TENM4: variants seen among roughly 807,000 people sequenced by gnomAD.
TENM4 encodes the protein teneurin transmembrane protein 4.
TENM4 carries 82 observed loss-of-function variants against 243.3 expected under a neutral mutation model. The observed-to-expected ratio is 0.34, with a 90% CI of 0.28 to 0.40. The LOEUF (loss-of-function observed/expected upper bound fraction) is 0.40, where lower values mean the gene tolerates loss of function less well. Among genes scored for constraint, TENM4 ranks in the 10% least tolerant of loss-of-function variants. The probability of loss-of-function intolerance (pLI) is 1.00; values close to 1 mark genes in which losing one functional copy is unlikely to be tolerated. For missense variants in TENM4, 3,138 were observed against 3,673.3 expected (o/e 0.85, Z 3.77); for synonymous variants, 1,412 against 1,456.3 (o/e 0.97, Z 0.69).
intron 30 of TENM4, among the ~76,000 whole-genome samples, chr11:78,674,744 A>G (rs1293798160): frequency 2.0e-5 from 3 of 152,236 alleles, no homozygotes. Flanking sequence ...GCTGTTTCCC[A>G]CAGTAGATAG....
chr11:79,118,106 A>AT (rs1396677196), intron 4 of TENM4, among the ~76,000 whole-genome samples: 1 of 152,186 alleles, frequency 6.6e-6, no homozygotes, highest in Non-Finnish European at 1.5e-5. Context: ...TGCTGAATCC[A>AT]TTTTTAAAAA....
At chr11:78,787,979 T>G (rs1398331018) in intron 15 of TENM4, among the ~76,000 whole-genome samples, 1 of 152,238 alleles carries the variant, frequency 6.6e-6, no homozygotes, top group Non-Finnish European at 1.5e-5. Context: ...TGAGCAACCA[T>G]GTCCACTGAA....
chr11:79,188,321 C>T (rs2135155531), intron 3 of TENM4, among the ~76,000 whole-genome samples: 1 of 152,280 alleles, frequency 6.6e-6, no homozygotes, highest in South Asian at 2.1e-4. Context: ...TATAAAACTT[C>T]TCCCTGGCAA....
intron 15 of TENM4, among the ~76,000 whole-genome samples, chr11:78,803,042 T>C (rs1857313388): frequency 6.6e-6 from 1 of 151,950 alleles, no homozygotes; most frequent in African/African-American, 2.4e-5. Context: ...TTTCTTTTTT[T>C]TTTTTTGAGA....
chr11:78,669,194 G>A lies in TENM4; in HGVS notation c.7151C>T (p.Ala2384Val), dbSNP rs1280260156. 1.2e-6 allele frequency: 2 copies of A among 1,613,882 alleles called. No homozygotes were observed. Among genetic ancestry groups the A allele is most frequent in the Non-Finnish European group, 8.5e-7 (1 of 1,179,876 alleles). The change falls in exon 32 of 34, where the codon GCC becomes GTC. Residue 2384 changes from alanine (A) to valine (V), a missense_variant. This residue lies in a region of TENM4 where 2,467 missense variants were observed against 3,059.1 expected (regional missense o/e 0.81). Transcript: ENST00000278550. The surrounding 1 kb of genome is among the most constrained non-coding windows in gnomAD (Gnocchi z 6.4). ...GGTATCCATGTAGATCTCCCCATAG[G>A]CTGTGTACAGGATTTGCTTGATCAT... ...GLMIKQILYT[A>V]YGEIYMDTNP... is the part of the protein sequence containing the mutation.
chr11:79,372,094 G>A (rs867928144), intron 1 of TENM4, among the ~76,000 whole-genome samples: 4 of 152,152 alleles, frequency 2.6e-5, no homozygotes, highest in African/African-American at 9.7e-5. Context: ...AACTTCATGA[G>A]CTTTTAGAAG....
intron 6 of TENM4, among the ~76,000 whole-genome samples, chr11:78,943,786 A>G (rs1489809325): frequency 1.3e-5 from 2 of 152,250 alleles, no homozygotes; most frequent in Non-Finnish European, 2.9e-5. Flanking sequence ...GTATGTGGTA[A>G]ATAAATGTTA....
chr11:79,399,253 A>G (rs960462383), intron 1 of TENM4, among the ~76,000 whole-genome samples: 6 of 152,228 alleles, frequency 3.9e-5, no homozygotes, highest in Non-Finnish European at 8.8e-5. Flanking sequence ...AACTCTTTCA[A>G]TGAGCAGAAA....
chr11:79,172,513 C>G (rs1863067774), intron 3 of TENM4, among the ~76,000 whole-genome samples: 1 of 152,194 alleles, frequency 6.6e-6, no homozygotes, highest in Admixed American at 6.5e-5. Flanking sequence ...CTCCCCAACT[C>G]CAATCCATCA....
chr11:79,020,727 G>C (rs554897263), intron 6 of TENM4, among the ~76,000 whole-genome samples: 7 of 152,068 alleles, frequency 4.6e-5, no homozygotes, highest in Non-Finnish European at 1.0e-4. Context: ...AGTGATCTAT[G>C]GGGAAAGGTG....
chr11:78,983,870 T>A (rs1857860889), intron 6 of TENM4, among the ~76,000 whole-genome samples: 1 of 152,232 alleles, frequency 6.6e-6, no homozygotes, highest in African/African-American at 2.4e-5. Context: ...GGGTCTCACT[T>A]TCTTTGTGAC....
chr11:79,016,167 T>C (rs1474718168), intron 6 of TENM4, among the ~76,000 whole-genome samples: 2 of 152,178 alleles, frequency 1.3e-5, no homozygotes, highest in South Asian at 2.1e-4. Flanking sequence ...TGGAACACAA[T>C]GATGCTCTCA....
At chr11:78,883,644 C>A (rs568144695) in intron 9 of TENM4, among the ~76,000 whole-genome samples, 1 of 152,356 alleles carries the variant, frequency 6.6e-6, no homozygotes, top group South Asian at 2.1e-4. Flanking sequence ...CTTGAAGAAA[C>A]CTCAAGTTAC....
intron 2 of TENM4, among the ~76,000 whole-genome samples, chr11:79,240,486 A>T (rs1231218804): frequency 6.6e-6 from 1 of 152,220 alleles, no homozygotes; most frequent in Admixed American, 6.5e-5. Context: ...TATTGTGACT[A>T]CTTCCTTGGC....
At chr11:79,163,771 A>C (rs964561338) in intron 3 of TENM4, among the ~76,000 whole-genome samples, 17 of 119,876 alleles carry the variant, frequency 1.4e-4, no homozygotes, top group Non-Finnish European at 2.7e-4. Flanking sequence ...ATATATATAC[A>C]CACACATACA....
chr11:78,734,852 G>A (rs1855751536), intron 20 of TENM4, among the ~76,000 whole-genome samples: 1 of 152,186 alleles, frequency 6.6e-6, no homozygotes, highest in South Asian at 2.1e-4. Flanking sequence ...AAAGTTGATG[G>A]AATAAATGCA....
chr11:79,150,585 T>C (rs767267352), intron 3 of TENM4, among the ~76,000 whole-genome samples: 30 of 152,316 alleles, frequency 2.0e-4, no homozygotes, highest in Non-Finnish European at 3.7e-4. Context: ...TCAGCCTCTT[T>C]CTTTAAGATC....
intron 1 of TENM4, among the ~76,000 whole-genome samples, chr11:79,308,046 T>C (rs978973443): frequency 6.6e-6 from 1 of 152,160 alleles, no homozygotes; most frequent in Non-Finnish European, 1.5e-5. Flanking sequence ...GCCCAGGGAA[T>C]TGCCTCAGAA....
chr11:79,298,855 A>T (rs1444145802), intron 1 of TENM4, among the ~76,000 whole-genome samples: 2 of 152,172 alleles, frequency 1.3e-5, no homozygotes, highest in African/African-American at 4.8e-5. Flanking sequence ...AATTTTTCCA[A>T]ATCAATTCAT....
Sources: allele counts gnomAD v4.1 joint callset (sites outside exome capture counted in the v4.1 genomes callset), GRCh38; gene constraint gnomAD v4.1.1; regional missense constraint gnomAD v4.1.1; non-coding constraint Gnocchi (gnomAD v3.1); transcripts MANE v1.5; gene names NCBI Gene and HGNC (gene_info 2026-07-23, HGNC 2026-07-21).